Variants in ORC5 observed in about 807,000 individuals in gnomAD.
ORC5 encodes the protein protein phosphatase 1, regulatory subunit 117.
ORC5 carries 39 observed loss-of-function variants against 58.8 expected under a neutral mutation model. That is an observed-to-expected ratio of 0.66 (90% CI 0.51 to 0.87). The LOEUF (loss-of-function observed/expected upper bound fraction) is 0.87. Among genes scored for constraint, ORC5 ranks in the 40% least tolerant of loss-of-function variants. The probability of loss-of-function intolerance (pLI) is 0.00; values close to 1 mark genes in which losing one functional copy is unlikely to be tolerated. For missense variants in ORC5, 493 were observed against 506.3 expected, an observed-to-expected ratio of 0.97 and a Z score of 0.25; for synonymous variants, 218 against 177.6, an observed-to-expected ratio of 1.23 and a Z score of -1.81.
chr7:104,166,408 T>C (rs1024037360), intron 10 of ORC5, among the ~76,000 whole-genome samples: 1 of 152,216 alleles, frequency 6.6e-6, no homozygotes, highest in Non-Finnish European at 1.5e-5. Flanking sequence ...AACTAATGTA[T>C]GTACAGGAGA....
rs986417501 is a variant in ORC5 at position 104,129,156 on chromosome 7, T to A, written c.1263-2263A>T. Among the ~76,000 whole-genome samples, 2 of 152,158 alleles carry A rather than the reference T, an allele frequency of 1.3e-5. No homozygotes were observed. Among genetic ancestry groups the A allele is most frequent in the African/African-American group, 4.8e-5 (2 of 41,444 alleles). On this transcript the variant is annotated intron_variant, in intron 13 of 13. Transcript: ENST00000297431. The surrounding 1 kb of genome is among the most constrained non-coding windows in gnomAD (Gnocchi z 4.9). ...CTAGTACTAGAAGAGCACAAATACA[T>A]GAAAATATTGTGATGTCTGTAGGAC...
intron 8 of ORC5, among the ~76,000 whole-genome samples, chr7:104,173,624 C>T (rs914264380): frequency 2.6e-5 from 4 of 152,184 alleles, no homozygotes; most frequent in African/African-American, 9.7e-5. Flanking sequence ...ATTAAGGGCA[C>T]CTTAATAAAG....
chr7:104,142,535 G>A (rs1000856806), intron 12 of ORC5, among the ~76,000 whole-genome samples: 11 of 152,136 alleles, frequency 7.2e-5, no homozygotes, highest in Admixed American at 5.9e-4. Flanking sequence ...ATTAACAATT[G>A]TATTAAAAGT....
At position 104,201,049 on chromosome 7, in the gene ORC5, A is replaced by T. The variant is rs867294637; in HGVS notation, c.166-91T>A. 7 of 1,116,562 alleles carry T rather than the reference A, an allele frequency of 6.3e-6. 1 individual carries two copies. In the South Asian group the frequency reaches 7.6e-5, roughly 12 times the overall value. 69.2% of individuals were successfully genotyped at this position (1,116,562 alleles called of 1,614,324 possible). A position where few individuals can be genotyped will look rare whatever the true frequency, so the allele number is the denominator to read the frequency against. On this transcript the variant is annotated intron_variant, in intron 2 of 13. Coordinates refer to ENST00000297431, the MANE Select transcript of ORC5 (RefSeq NM_002553.4). ...TGGATAGTCTCCATTTGCCTTTCTA[A>T]ATCTATATCCCACCAAACCCACCCC...
intron 4 of ORC5, 115 bp from the exon 5 acceptor site, chr7:104,195,369 A>G: frequency 1.8e-6 from 1 of 546,178 alleles, no homozygotes; most frequent in South Asian, 2.8e-5. Flanking sequence ...CCTATAACAA[A>G]TTATTTGCAT....
intron 12 of ORC5, among the ~76,000 whole-genome samples, chr7:104,142,827 A>G (rs1298226766): frequency 2.0e-5 from 3 of 152,276 alleles, no homozygotes; most frequent in Middle Eastern, 3.4e-3. Context: ...CACCTTTACT[A>G]TGAAAAGAAG....
At chr7:104,172,163 T>C (rs1799224538) in intron 8 of ORC5, among the ~76,000 whole-genome samples, 1 of 152,228 alleles carries the variant, frequency 6.6e-6, no homozygotes, top group South Asian at 2.1e-4. Flanking sequence ...CTAACTCCTG[T>C]TAATACAGCA....
At chr7:104,207,728 C>G (rs906121632) in intron 1 of ORC5, 105 bp downstream of exon 1, 4 of 1,036,834 alleles carry the variant, frequency 3.9e-6, no homozygotes, top group Non-Finnish European at 5.9e-6. Context: ...GTAAAAACGG[C>G]CTTTTGGCCC....
intron 1 of ORC5, among the ~76,000 whole-genome samples, chr7:104,204,445 A>C (rs1800025033): frequency 6.6e-6 from 1 of 152,192 alleles, no homozygotes; most frequent in Non-Finnish European, 1.5e-5. Context: ...TATGTAACAT[A>C]TTTGGCATAT....
At chr7:104,144,966 A>G (rs1798733110) in intron 12 of ORC5, among the ~76,000 whole-genome samples, 2 of 152,078 alleles carry the variant, frequency 1.3e-5, no homozygotes, top group African/African-American at 4.8e-5. Context: ...GCATGCATGT[A>G]TATGCATAAA....
At chr7:104,169,143 A>G (rs1207394222) in intron 8 of ORC5, among the ~76,000 whole-genome samples, 1 of 152,094 alleles carries the variant, frequency 6.6e-6, no homozygotes, top group Non-Finnish European at 1.5e-5. Flanking sequence ...AAAACTCCCA[A>G]TGTTCTAGTT....
intron 1 of ORC5, among the ~76,000 whole-genome samples, chr7:104,204,506 T>C (rs373399821): frequency 1.3e-5 from 2 of 152,220 alleles, no homozygotes; most frequent in East Asian, 1.9e-4. Context: ...GGTTTACATA[T>C]ACAAACTAGT....
chr7:104,164,954 T>G (rs992920881), intron 11 of ORC5, among the ~76,000 whole-genome samples: 1 of 152,208 alleles, frequency 6.6e-6, no homozygotes. Flanking sequence ...ATGCCTGTAT[T>G]CAATTGGCTG....
In ORC5 at chr7:104,143,516, C is replaced by G. The variant is rs75794644; in HGVS notation, c.1150-6623G>C. On this transcript the variant is annotated intron_variant, in intron 12 of 13. Transcript: ENST00000297431. ...GGCTAAATTAATCATGTAAATTGTG[C>G]AAAGAATATAATATCACTTCAGCTG... Among the ~76,000 whole-genome samples the G allele has an allele frequency of 4.7e-3, 720 of 152,126 alleles. 13 individuals are homozygous for G. The highest frequency in any genetic ancestry group is 0.016 in the African/African-American group (676 of 41,490).
intron 12 of ORC5, among the ~76,000 whole-genome samples, chr7:104,144,688 C>T (rs184611032): frequency 2.0e-5 from 3 of 152,166 alleles, no homozygotes; most frequent in South Asian, 2.1e-4. Context: ...ACTTGGGAGG[C>T]GGAGATTGCA....
intron 12 of ORC5, among the ~76,000 whole-genome samples, chr7:104,152,034 G>C (rs535830903): frequency 1.2e-4 from 18 of 152,176 alleles, no homozygotes; most frequent in Non-Finnish European, 2.4e-4. Flanking sequence ...TAGATGGGCA[G>C]GTGTGGCCAG....
At chr7:104,182,211 A>G (rs1013732094) in intron 8 of ORC5, among the ~76,000 whole-genome samples, 24 of 152,208 alleles carry the variant, frequency 1.6e-4, no homozygotes, top group Non-Finnish European at 3.1e-4. Flanking sequence ...TGATGTGTGG[A>G]CCACACAGAA....
chr7:104,205,966 C>T (rs1800072233), intron 1 of ORC5, among the ~76,000 whole-genome samples: 1 of 152,194 alleles, frequency 6.6e-6, no homozygotes, highest in Admixed American at 6.5e-5. Flanking sequence ...CAAGATCATG[C>T]CACTGCACTC....
intron 12 of ORC5, among the ~76,000 whole-genome samples, chr7:104,153,982 C>G (rs1456555342): frequency 6.6e-6 from 1 of 151,870 alleles, no homozygotes; most frequent in Admixed American, 6.6e-5. Flanking sequence ...GAAATTTTAT[C>G]ATAAAGTCTT....
Sources: allele counts gnomAD v4.1 joint callset (sites outside exome capture counted in the v4.1 genomes callset), GRCh38; gene constraint gnomAD v4.1.1; non-coding constraint Gnocchi (gnomAD v3.1); transcripts MANE v1.5; gene names NCBI Gene and HGNC (gene_info 2026-07-23, HGNC 2026-07-21).